NALCN: variants seen among roughly 807,000 people sequenced by gnomAD.
The protein encoded by NALCN is sodium leak channel NALCN.
A neutral mutation model predicts 225.3 loss-of-function variants in NALCN; 111 were observed. That is an observed-to-expected ratio of 0.49 (90% CI 0.42 to 0.58). The LOEUF (loss-of-function observed/expected upper bound fraction) is 0.58, where lower values mean the gene tolerates loss of function less well. NALCN is among the 20% of genes least tolerant of loss of function. The probability of loss-of-function intolerance (pLI) is 0.00; values close to 1 mark genes in which losing one functional copy is unlikely to be tolerated. For missense variants in NALCN, 1,378 were observed against 2,202.4 expected (o/e 0.63, Z 7.49); for synonymous variants, 764 against 769.0 (o/e 0.99, Z 0.11).
chr13:101,055,272 A>T lies in NALCN; in HGVS notation c.*23T>A, dbSNP rs563858674. On this transcript the variant is annotated 3_prime_UTR_variant, in exon 44 of 44. Coordinates refer to ENST00000251127, the MANE Select transcript of NALCN (RefSeq NM_052867.4). ...TTAGAAAACGGTTTCCACCACTAGA[A>T]ATTCATCTACATTGACATCCACCTA... 1.1e-4 allele frequency: 168 copies of T among 1,595,622 alleles called. No individual in the cohort carries two copies. In the South Asian group the frequency reaches 1.1e-3, roughly 11 times the overall value.
intron 3 of NALCN, among the ~76,000 whole-genome samples, chr13:101,381,747 A>C (rs573361041): frequency 6.6e-6 from 1 of 152,244 alleles, no homozygotes; most frequent in South Asian, 2.1e-4. Context: ...TAAAATATAA[A>C]ATATTCATTA....
intron 17 of NALCN, among the ~76,000 whole-genome samples, chr13:101,141,646 G>A (rs1475622292): frequency 6.0e-5 from 9 of 151,154 alleles, no homozygotes; most frequent in Non-Finnish European, 5.9e-5. Flanking sequence ...AAAAGGGGGA[G>A]GTGAAAAAGG....
At chr13:101,377,297 G>A (rs376338320) in intron 4 of NALCN, among the ~76,000 whole-genome samples, 41 of 152,192 alleles carry the variant, frequency 2.7e-4, no homozygotes, top group African/African-American at 8.4e-4. Flanking sequence ...TGTCTCGTTC[G>A]TTAAGACAGT....
At chr13:101,170,872 A>T (rs1022378038) in intron 15 of NALCN, among the ~76,000 whole-genome samples, 41 of 152,288 alleles carry the variant, frequency 2.7e-4, no homozygotes, top group African/African-American at 7.7e-4. Flanking sequence ...TTCTTCCCTC[A>T]AAGCTTAATG....
intron 28 of NALCN, among the ~76,000 whole-genome samples, chr13:101,095,201 T>A (rs574858758): frequency 2.0e-5 from 3 of 152,196 alleles, no homozygotes; most frequent in Non-Finnish European, 4.4e-5. Context: ...GGTTCTATTA[T>A]GAGGACATCA....
intron 34 of NALCN, among the ~76,000 whole-genome samples, chr13:101,077,498 A>T (rs934783753): frequency 6.6e-5 from 10 of 152,100 alleles, no homozygotes; most frequent in Non-Finnish European, 4.4e-5. Context: ...GAGATGAGGA[A>T]CTTATTGGGA....
intron 13 of NALCN, among the ~76,000 whole-genome samples, chr13:101,216,933 T>C (rs919079365): frequency 6.6e-6 from 1 of 152,170 alleles, no homozygotes; most frequent in Non-Finnish European, 1.5e-5. Flanking sequence ...AAATAAATCA[T>C]ACTAAAATTT....
chr13:101,164,362 G>T (rs1365856446), intron 15 of NALCN, among the ~76,000 whole-genome samples: 9 of 152,222 alleles, frequency 5.9e-5, no homozygotes, highest in East Asian at 5.8e-4. Context: ...CACAATCACA[G>T]CTCACTGCAG....
At chr13:101,113,506 C>T (rs1238033489) in intron 18 of NALCN, among the ~76,000 whole-genome samples, 1 of 152,162 alleles carries the variant, frequency 6.6e-6, no homozygotes, top group Admixed American at 6.5e-5. Context: ...CAGTTGGACA[C>T]AATCAGACCT....
intron 6 of NALCN, among the ~76,000 whole-genome samples, chr13:101,354,171 C>T (rs555828303): frequency 1.3e-5 from 2 of 152,234 alleles, no homozygotes; most frequent in East Asian, 3.9e-4. Context: ...CAGTAAAACC[C>T]ATCTCTACTA....
At chr13:101,342,375 T>C (rs2045584006) in intron 7 of NALCN, among the ~76,000 whole-genome samples, 1 of 152,152 alleles carries the variant, frequency 6.6e-6, no homozygotes, top group South Asian at 2.1e-4. Context: ...TTTTATCCCA[T>C]TCTAGCCAAC....
At chr13:101,076,489 G>T (rs765962353) in intron 34 of NALCN, among the ~76,000 whole-genome samples, 2 of 152,222 alleles carry the variant, frequency 1.3e-5, no homozygotes, top group Admixed American at 6.5e-5. Flanking sequence ...GAATAAGAAA[G>T]CTTCATTTGA....
At chr13:101,220,116 G>T (rs2040880478) in intron 13 of NALCN, among the ~76,000 whole-genome samples, 1 of 152,162 alleles carries the variant, frequency 6.6e-6, no homozygotes, top group South Asian at 2.1e-4. Flanking sequence ...TTGCTGGGAG[G>T]CAGCCTCCAA....
chr13:101,345,737 AATATATATAT>A (rs10560892), intron 6 of NALCN, among the ~76,000 whole-genome samples: 1,540 of 86,656 alleles, frequency 0.018, 114 homozygotes, highest in African/African-American at 0.067. Context: ...CAGCAAAGAG[AATATATATAT>A]ATATATATAT....
intron 28 of NALCN, among the ~76,000 whole-genome samples, chr13:101,093,473 A>G (rs952260148): frequency 6.6e-6 from 1 of 152,198 alleles, no homozygotes; most frequent in African/African-American, 2.4e-5. Context: ...ATTTCACTAC[A>G]ATCCAAGTCA....
At chr13:101,083,028 A>G (rs1594166901) in intron 32 of NALCN, 64 bp downstream of exon 32, 1 of 1,560,256 alleles carries the variant, frequency 6.4e-7, no homozygotes. Context: ...GCAGCTTGTG[A>G]TACTCTCGGA....
Position 101,100,793 on chromosome 13 carries a change from A to G in NALCN, c.3153T>C (p.Ile1051=), listed in dbSNP as rs753743056. Residue 1051 remains isoleucine (I), a synonymous_variant, in exon 27 of 44, where the codon ATT becomes ATC. Coordinates refer to ENST00000251127, the MANE Select transcript of NALCN (RefSeq NM_052867.4). ...GAAAGATACATCTTACCCTTCTAAT[A>G]ATGTTGGGATCATTGCACTTGGCCA... ...GKLAKCNDPN[I]IRREDCNGIF... 1 of 1,605,194 alleles carries G rather than the reference A, an allele frequency of 6.2e-7. No homozygotes were observed. Among genetic ancestry groups the G allele is most frequent in the Non-Finnish European group, 8.5e-7 (1 of 1,176,122 alleles).
At chr13:101,061,026 T>C (rs541474896) in intron 41 of NALCN, among the ~76,000 whole-genome samples, 33 of 152,332 alleles carry the variant, frequency 2.2e-4, no homozygotes, top group African/African-American at 7.5e-4. Flanking sequence ...ATTGAAACAA[T>C]CTCTGTTATA....
At chr13:101,159,525 C>T (rs894771836) in intron 15 of NALCN, among the ~76,000 whole-genome samples, 9 of 152,090 alleles carry the variant, frequency 5.9e-5, no homozygotes, top group African/African-American at 1.4e-4. Context: ...ATTAGAACTA[C>T]GTATATTAGA....
Sources: allele counts gnomAD v4.1 joint callset (sites outside exome capture counted in the v4.1 genomes callset), GRCh38; gene constraint gnomAD v4.1.1; transcripts MANE v1.5; gene names NCBI Gene and HGNC (gene_info 2026-07-23, HGNC 2026-07-21).